The following RECQL5 variants were observed in gnomAD, a reference collection of about 807,000 sequenced individuals.
RECQL5 encodes RecQ like helicase 5.
RECQL5 carries 88 observed loss-of-function variants against 103.4 expected under a neutral mutation model. The ratio of observed to expected loss-of-function variants is 0.85; its 90% CI spans 0.72 to 1.02. The LOEUF (loss-of-function observed/expected upper bound fraction) is 1.02, where lower values mean the gene tolerates loss of function less well. RECQL5 is among the 50% of genes least tolerant of loss of function. RECQL5 has a pLI of 0.00. For missense variants in RECQL5, 1,232 were observed against 1,284.3 expected (o/e 0.96, Z 0.62); for synonymous variants, 552 against 507.9 (o/e 1.09, Z -1.17).
chr17:75,627,512 C>G lies in RECQL5; in HGVS notation c.2886G>C (p.Glu962Asp), dbSNP rs766963673. ...AGAAGTGCCTGATGAGGTTCTGGGCCTCTTCTTTCACTACAGATTCAGGGT... is the reference window on the plus strand; with the variant it reads ...AGAAGTGCCTGATGAGGTTCTGGGCGTCTTCTTTCACTACAGATTCAGGGT... ...KTSPGRSVKEEAQNLIRHFFH... is the reference protein window; with the variant it reads ...KTSPGRSVKEDAQNLIRHFFH... Residue 962 changes from glutamate (E) to aspartate (D), a missense_variant, in exon 20 of 20, where the codon GAG (glutamate) becomes GAC (aspartate). Glu to Asp is a conservative substitution (Grantham distance 45). Coordinates refer to ENST00000317905, the MANE Select transcript of RECQL5 (RefSeq NM_004259.7). The G allele has an allele frequency of 6.2e-7, 1 of 1,613,952 alleles. No individual in the cohort carries two copies. Among genetic ancestry groups the G allele is most frequent in the South Asian group, 1.1e-5 (1 of 91,090 alleles).
chr17:75,641,109 C>G, intron 8 of RECQL5: 1 of 823,792 alleles, frequency 1.2e-6, no homozygotes, highest in Non-Finnish European at 1.8e-6. Flanking sequence ...CCAGTGGACA[C>G]TGGGTGCTGG....
chr17:75,627,020 G>T lies in RECQL5; in HGVS notation c.*402C>A, dbSNP rs953811229. On this transcript the variant is annotated 3_prime_UTR_variant, in exon 20 of 20. Transcript: ENST00000317905. ...GCTGGAAGCTGGCATCGTAATGGATGGGGGAGTGGGTGGAGGATCTGAGGG... is the reference window on the plus strand; with the variant it reads ...GCTGGAAGCTGGCATCGTAATGGATTGGGGAGTGGGTGGAGGATCTGAGGG... 6 of 383,314 alleles carry T rather than the reference G, an allele frequency of 1.6e-5. No homozygotes were observed. The East Asian group carries it at 4.3e-4, about 27-fold the overall frequency. 23.7% of individuals were successfully genotyped at this position (383,314 alleles called of 1,614,324 possible).
intron 1 of RECQL5, 134 bp downstream of exon 1, chr17:75,666,910 C>G: frequency 3.7e-6 from 1 of 272,572 alleles, no homozygotes; most frequent in South Asian, 4.3e-5. Context: ...CCTGCTCCTA[C>G]TTCTATAAGC....
At chr17:75,664,069 A>G (rs950920319) in intron 3 of RECQL5, among the ~76,000 whole-genome samples, 3 of 151,082 alleles carry the variant, frequency 2.0e-5, no homozygotes, top group African/African-American at 7.3e-5. Context: ...AAAAAAAAAA[A>G]AAAAGAAAGA....
At chr17:75,650,756 C>T (rs748476447) in intron 8 of RECQL5, 2 of 1,599,448 alleles carry the variant, frequency 1.3e-6, no homozygotes, top group Non-Finnish European at 1.7e-6. Context: ...GAGTTCAAAG[C>T]ACATGACTCC....
At chr17:75,665,295 T>C (rs2059753597) in intron 2 of RECQL5, 123 bp from the exon 3 acceptor site, 2 of 846,952 alleles carry the variant, frequency 2.4e-6, no homozygotes, top group African/African-American at 1.8e-5. Context: ...AGGGTCTCGA[T>C]GTAATCCTAA....
intron 8 of RECQL5, chr17:75,647,644 G>C: frequency 7.1e-7 from 1 of 1,404,292 alleles, no homozygotes; most frequent in African/African-American, 1.4e-5. Context: ...CCCCTTCGCG[G>C]TTCCCTCTGG....
In RECQL5 at chr17:75,631,375, TCTGGTCTGGCCCTGGCGCCAAGGGA is replaced by T; in HGVS notation, c.1448+50_1448+74del. On this transcript the variant is annotated intron_variant, in intron 9 of 19. Coordinates refer to ENST00000317905, the MANE Select transcript of RECQL5 (RefSeq NM_004259.7). The stretch of plus-strand genomic sequence containing the variant: ...GGGGGGATTGCGGCATCGTGCCACC[TCTGGTCTGGCCCTGGCGCCAAGGGA>T]ATGCCAGGCAATTCCAGCGGGTTGG... 2.6e-6 allele frequency: 4 copies of T among 1,556,486 alleles called. No individual in the cohort carries two copies. The South Asian group carries it at 3.3e-5, about 13-fold the overall frequency.
chr17:75,645,771 C>G (rs959802728), intron 8 of RECQL5, among the ~76,000 whole-genome samples: 3 of 152,216 alleles, frequency 2.0e-5, no homozygotes, highest in Non-Finnish European at 2.9e-5. Flanking sequence ...CAACCCTGGC[C>G]ACACCTGGGG....
In RECQL5 at chr17:75,654,236, A is replaced by G. The variant is rs59363958; in HGVS notation, c.1150-2971T>C. ...TTTCTCCATTTACTTAGATTTCAGT[A>G]TGTTATTAATTCACCCCTAACTGTC... On this transcript the variant is annotated intron_variant, in intron 7 of 19. Transcript: ENST00000317905. Among the ~76,000 whole-genome samples, 513 of 152,294 alleles carry G rather than the reference A, an allele frequency of 3.4e-3. 2 individuals carry two copies. The highest frequency in any genetic ancestry group is 0.011 in the African/African-American group (468 of 41,568).
Position 75,629,265 on chromosome 17 carries a change from T to C in RECQL5, c.2158A>G (p.Ser720Gly). The C allele has an allele frequency of 6.2e-7, 1 of 1,609,258 alleles. No homozygotes were observed. The highest frequency in any genetic ancestry group is 1.3e-5 in the African/African-American group (1 of 74,956). Residue 720 changes from serine to glycine, a missense_variant, in exon 16 of 20, where the codon AGC (serine) becomes GGC (glycine). By Grantham distance (56) the Ser-to-Gly change is moderately conservative (BLOSUM62 0). Transcript: ENST00000317905. ...GGGGAGGGCCCCCCATAGTGAGCGC[T>C]GCCTCCAGGGACCTCCCCTCTGGGC... ...PGPRGEVPGG[S>G]AHYGGPSPEK...
In RECQL5 at chr17:75,628,369, C is replaced by T. The variant is rs1378428742; in HGVS notation, c.2654G>A (p.Gly885Asp). The T allele has an allele frequency of 1.9e-6, 3 of 1,614,078 alleles. No homozygotes were observed. The African/African-American group carries it at 4.0e-5, about 22-fold the overall frequency. ...GCCCTGTTCGCTGGCCGAGACGCTGCCCTTGACCTCAGCTACGACGGAGGG... is the reference window on the plus strand; with the variant it reads ...GCCCTGTTCGCTGGCCGAGACGCTGTCCTTGACCTCAGCTACGACGGAGGG... ...AKPSVVAEVKGSVSASEQGTL... is the reference protein window; with the variant it reads ...AKPSVVAEVKDSVSASEQGTL... The change falls in exon 18 of 20, where the codon GGC (glycine) becomes GAC (aspartate). Residue 885 changes from glycine to aspartate, a missense_variant. Coordinates refer to ENST00000317905, the MANE Select transcript of RECQL5 (RefSeq NM_004259.7).
intron 8 of RECQL5, chr17:75,650,626 T>C: frequency 6.2e-7 from 1 of 1,612,370 alleles, no homozygotes; most frequent in South Asian, 1.1e-5. Context: ...CCTGGGTGTC[T>C]CTCCTGCAGG....
intron 1 of RECQL5, chr17:75,666,818 C>A: frequency 2.4e-6 from 1 of 419,090 alleles, no homozygotes; most frequent in South Asian, 3.1e-5. Context: ...TAGCACAGAG[C>A]TAGAAATCAG....
At chr17:75,649,652 T>C (rs1405229769) in intron 8 of RECQL5, 6 of 985,354 alleles carry the variant, frequency 6.1e-6, no homozygotes, top group Non-Finnish European at 7.2e-6. Context: ...TTTTTCTTTG[T>C]GCTACACGCC....
chr17:75,651,153 C>G (rs1429403270), intron 8 of RECQL5, 33 bp downstream of exon 8: 156 of 1,614,052 alleles, frequency 9.7e-5, no homozygotes, highest in Non-Finnish European at 1.3e-4. Context: ...ATCTCACTGA[C>G]ACTTTGCTCC....
rs747260831 is a variant in RECQL5, at chr17:75,630,235, T to G, written c.1761A>C (p.Thr587=). 3 of 1,561,818 alleles carry G rather than the reference T, an allele frequency of 1.9e-6. No individual in the cohort carries two copies. Among genetic ancestry groups the G allele is most frequent in the South Asian group, 2.4e-5 (2 of 84,686 alleles). Residue 587 remains threonine (T), a synonymous_variant, in exon 14 of 20, where the codon ACA becomes ACC. Transcript: ENST00000317905. The part of the protein sequence containing the change: ...RAKAVELEHE[T]FRNAKVANLY... ...GGTTGGCCACCTTGGCGTTCCGGAA[T>G]GTCTCATGTTCCAGCTCCACGGCCT...
chr17:75,656,647 G>A (rs1390995607), intron 7 of RECQL5, among the ~76,000 whole-genome samples: 1 of 150,372 alleles, frequency 6.7e-6, no homozygotes, highest in Non-Finnish European at 1.5e-5. Flanking sequence ...GGGTTTTTGT[G>A]TTTCTAGGCA....
Position 75,640,764 on chromosome 17 carries a change from G to A in RECQL5, c.1230-9096C>T, listed in dbSNP as rs1397263690. ...GCATCCTTTCTCTCCCCCAACCTGAGTCCCGTGCTCTCTCCCGGCCCTCCA... is the reference window on the plus strand; with the variant it reads ...GCATCCTTTCTCTCCCCCAACCTGAATCCCGTGCTCTCTCCCGGCCCTCCA... On this transcript the variant is annotated intron_variant, in intron 8 of 19. Transcript: ENST00000317905. This position sits in a 1 kb window ranked among gnomAD's most constrained non-coding sequence, Gnocchi z 4.6. The A allele has an allele frequency of 6.5e-7, 1 of 1,546,020 alleles. No individual in the cohort carries two copies. Among genetic ancestry groups the A allele is most frequent in the Non-Finnish European group, 8.7e-7 (1 of 1,143,940 alleles).
Sources: allele counts gnomAD v4.1 joint callset (sites outside exome capture counted in the v4.1 genomes callset), GRCh38; gene constraint gnomAD v4.1.1; non-coding constraint Gnocchi (gnomAD v3.1); transcripts MANE v1.5; gene names NCBI Gene and HGNC (gene_info 2026-07-23, HGNC 2026-07-21).